TKFC: variants seen among roughly 807,000 people sequenced by gnomAD.
The protein encoded by TKFC is triokinase and FMN cyclase.
In TKFC, 46 loss-of-function variants were observed where a neutral mutation model predicts 61.0. The ratio of observed to expected loss-of-function variants is 0.75; its 90% CI spans 0.60 to 0.96. TKFC has a LOEUF of 0.96. Ranked by LOEUF, TKFC falls within the 50% of genes least tolerant of loss-of-function variation. TKFC has a pLI of 0.00. For missense variants in TKFC, 715 were observed against 777.5 expected, an observed-to-expected ratio of 0.92 and a Z score of 0.96; for synonymous variants, 314 against 330.1, an observed-to-expected ratio of 0.95 and a Z score of 0.53.
At position 61,348,332 on chromosome 11, in the gene TKFC, A is replaced by G. The variant is rs768324169; in HGVS notation, c.*1829A>G. 9.2e-5 allele frequency: 82 copies of G among 895,192 alleles called. No homozygotes were observed. The highest frequency in any genetic ancestry group is 1.0e-4 in the Non-Finnish European group (80 of 778,768). The allele number at this position is 895,192 out of a possible 1,614,324, so 55.5% of individuals were successfully genotyped here. On this transcript the variant is annotated 3_prime_UTR_variant, in exon 18 of 18. Coordinates refer to ENST00000394900, the MANE Select transcript of TKFC (RefSeq NM_015533.4). Reference sequence around the variant, plus strand: ...AAATGAGCTGCATGTGAATCCACACATGCCATTCCATGAAGACAGAGGATC... The same window carrying G: ...AAATGAGCTGCATGTGAATCCACACGTGCCATTCCATGAAGACAGAGGATC...
At chr11:61,342,286 A>C in intron 7 of TKFC, 175 bp from the exon 8 acceptor site, 1 of 818,664 alleles carries the variant, frequency 1.2e-6, no homozygotes, top group Non-Finnish European at 2.0e-6. Context: ...TATCTCCACC[A>C]CCAGGCCACA....
chr11:61,348,063 TCTGTCGG>T lies in TKFC; in HGVS notation c.*1564_*1570del. 1.0e-6 allele frequency: 1 copy of T among 985,406 alleles called. No homozygotes were observed. Among genetic ancestry groups the T allele is most frequent in the Non-Finnish European group, 1.2e-6 (1 of 829,936 alleles). 61.0% of individuals were successfully genotyped at this position (985,406 alleles called of 1,614,324 possible). A position where few individuals can be genotyped will look rare whatever the true frequency, so the allele number is the denominator to read the frequency against. ...CTGGGCTTCTCTACCCAGGGTCCTG[TCTGTCGG>T]CTGCACCATACGTCCCTGACCACAA... is the stretch of plus-strand genomic sequence containing the variant. On this transcript the variant is annotated 3_prime_UTR_variant, in exon 18 of 18. Transcript: ENST00000394900.
rs1157112718 is a variant in TKFC at position 61,345,270 on chromosome 11, G to T, written c.1251G>T (p.Glu417Asp). The T allele has an allele frequency of 1.3e-6, 2 of 1,572,360 alleles. No individual in the cohort carries two copies. Among genetic ancestry groups the T allele is most frequent in the South Asian group, 1.2e-5 (1 of 85,568 alleles). The change falls in exon 14 of 18, where the codon GAG becomes GAT. Residue 417 changes from glutamate (E) to aspartate (D), a missense_variant. Physicochemically the swap from Glu to Asp is conservative, Grantham distance 45. Transcript: ENST00000394900. ...THSRAARAIQ[E>D]WLKEGPPPAS... is the part of the protein sequence containing the mutation. ...TCTCTCTGCCTGCAGCAATCCAGGAGTGGCTGAAGGAGGGCCCACCCCCTG... is the reference window on the plus strand; with the variant it reads ...TCTCTCTGCCTGCAGCAATCCAGGATTGGCTGAAGGAGGGCCCACCCCCTG...
Position 61,348,300 on chromosome 11 carries a change from C to T in TKFC, c.*1797C>T, listed in dbSNP as rs1381166721. The T allele has an allele frequency of 1.2e-5, 12 of 984,872 alleles. No homozygotes were observed. Among genetic ancestry groups the T allele is most frequent in the South Asian group, 9.4e-5 (2 of 21,252 alleles). The allele number at this position is 984,872 out of a possible 1,614,324, so 61.0% of individuals were successfully genotyped here. On this transcript the variant is annotated 3_prime_UTR_variant, in exon 18 of 18. Transcript: ENST00000394900. ...CACGTGCCATTAGCTATTAAGGACA[C>T]GCACATAAATGAGCTGCATGTGAAT... is the stretch of plus-strand genomic sequence containing the variant.
downstream of TKFC, chr11:61,351,337 T>G: frequency 1.2e-5 from 6 of 511,552 alleles, no homozygotes; most frequent in South Asian, 3.0e-5. Flanking sequence ...TCACCCGGGC[T>G]GGAGTGCAGT....
intron 3 of TKFC, 81 bp downstream of exon 3, chr11:61,338,211 G>A (rs1439308241): frequency 2.2e-6 from 3 of 1,336,652 alleles, no homozygotes; most frequent in African/African-American, 3.0e-5. Flanking sequence ...GCCATGAAGT[G>A]CAGGATGGAG....
chr11:61,341,996 C>A, intron 7 of TKFC, 84 bp downstream of exon 7: 3 of 1,312,302 alleles, frequency 2.3e-6, no homozygotes, highest in South Asian at 1.4e-5. Flanking sequence ...GAGCCATCAA[C>A]CTGGTCCTCT....
intron 5 of TKFC, among the ~76,000 whole-genome samples, chr11:61,340,096 C>T (rs866515137): frequency 3.9e-5 from 6 of 152,018 alleles, no homozygotes; most frequent in East Asian, 1.9e-4. Flanking sequence ...CTGCAGTCTC[C>T]GCTGCCCAGG....
chr11:61,337,880 C>T lies in TKFC; in HGVS notation c.4-61C>T, dbSNP rs116796737. 1,080 of 1,468,046 alleles carry T rather than the reference C, an allele frequency of 7.4e-4. 9 individuals are homozygous for T. The African/African-American group carries it at 0.013, about 18-fold the overall frequency. The allele number at this position is 1,468,046 out of a possible 1,614,324, so 90.9% of individuals were successfully genotyped here. ...GGTCTACACCACAGCAGTGTGGCTG[C>T]GCAGGATGGGGGTATCTGTACTGAC... is the stretch of plus-strand genomic sequence containing the variant. On this transcript the variant is annotated intron_variant, in intron 2 of 17. Transcript: ENST00000394900.
chr11:61,352,780 T>C (rs1016313550), downstream of TKFC: 46 of 1,428,116 alleles, frequency 3.2e-5, no homozygotes, highest in Non-Finnish European at 4.2e-5. Context: ...CAGCAGGTGC[T>C]AAATCAAACT....
chr11:61,334,899 T>C (rs1025750879), intron 2 of TKFC, among the ~76,000 whole-genome samples, 168 bp downstream of exon 2: 7 of 152,130 alleles, frequency 4.6e-5, no homozygotes, highest in East Asian at 1.9e-4. Context: ...GATCCCTGCT[T>C]TTCTTTGTTT....
chr11:61,333,594 A>C (rs1426484695), intron 1 of TKFC: 1 of 152,284 alleles, frequency 6.6e-6, no homozygotes, highest in Non-Finnish European at 1.5e-5. Context: ...TTGAACGACC[A>C]CCTGCTCACC....
At chr11:61,351,211 G>C (rs889314404), downstream of TKFC, 1 of 1,515,134 alleles carries the variant, frequency 6.6e-7, no homozygotes, top group Non-Finnish European at 8.9e-7. Flanking sequence ...TCTAGTGGGA[G>C]ACTCGATGTC....
chr11:61,350,863 C>T (rs1022919550), downstream of TKFC: 3 of 1,378,512 alleles, frequency 2.2e-6, no homozygotes, highest in African/African-American at 2.9e-5. Context: ...CTAACTCCAC[C>T]CTCAAGTTAC....
At position 61,344,323 on chromosome 11, in the gene TKFC, C is replaced by T. The variant is rs754644625; in HGVS notation, c.1240+50C>T. 1.1e-5 allele frequency: 17 copies of T among 1,571,746 alleles called. No individual in the cohort carries two copies. The South Asian group carries it at 1.8e-4, about 17-fold the overall frequency. On this transcript the variant is annotated intron_variant, in intron 13 of 17. Transcript: ENST00000394900. ...TGAGGTCATTCACAAAACCTTAGCC[C>T]CCCTTCCACTTGTTTCCCTGAAGGC...
At chr11:61,344,450 G>A (rs1430322256) in intron 13 of TKFC, among the ~76,000 whole-genome samples, 177 bp downstream of exon 13, 2 of 131,864 alleles carry the variant, frequency 1.5e-5, no homozygotes, top group Non-Finnish European at 3.2e-5. Flanking sequence ...TGCAGTCTCC[G>A]CCCCCCGGGT....
At chr11:61,342,435 T>A (rs768173663) in intron 7 of TKFC, 26 bp from the exon 8 acceptor site, 2 of 1,613,782 alleles carry the variant, frequency 1.2e-6, no homozygotes, top group Non-Finnish European at 1.7e-6. Context: ...CTTGAGTGGG[T>A]CAGCAGTGAC....
At chr11:61,336,871 T>C (rs1856629685) in intron 2 of TKFC, among the ~76,000 whole-genome samples, 1 of 152,156 alleles carries the variant, frequency 6.6e-6, no homozygotes, top group Non-Finnish European at 1.5e-5. Flanking sequence ...TCACCCGTGC[T>C]TCCTGGCACC....
chr11:61,352,998 GCTT>G (rs774746662), downstream of TKFC: 7 of 1,614,030 alleles, frequency 4.3e-6, no homozygotes, highest in Non-Finnish European at 8.5e-7. Flanking sequence ...CTGAAGAAAA[GCTT>G]CTCATTAATG....
Sources: allele counts gnomAD v4.1 joint callset (sites outside exome capture counted in the v4.1 genomes callset), GRCh38; gene constraint gnomAD v4.1.1; transcripts MANE v1.5; gene names NCBI Gene and HGNC (gene_info 2026-07-23, HGNC 2026-07-21).